Variants in RBFOX1 observed in about 807,000 individuals in gnomAD.
The protein encoded by RBFOX1 is RNA binding protein fox-1 homolog 1.
RBFOX1 carries 8 observed loss-of-function variants against 57.7 expected under a neutral mutation model. The ratio of observed to expected loss-of-function variants is 0.14; its 90% confidence interval spans 0.08 to 0.25. The LOEUF is 0.25. Ranked by LOEUF, RBFOX1 falls within the 10% of genes least tolerant of loss-of-function variation. The pLI is 1.00. For missense variants in RBFOX1, 611 were observed against 548.5 expected, an observed-to-expected ratio of 1.11 and a Z score of -1.14; for synonymous variants, 326 against 222.4, an observed-to-expected ratio of 1.47 and a Z score of -4.15.
At chr16:6,481,689 A>G (rs1157579723) in intron 2 of RBFOX1, among the ~76,000 whole-genome samples, 1 of 152,206 alleles carries the variant, frequency 6.6e-6, no homozygotes, top group East Asian at 1.9e-4. Flanking sequence ...GGGATCATAC[A>G]AGATAACATT....
chr16:6,653,637 A>G (rs1023433938), intron 2 of RBFOX1, among the ~76,000 whole-genome samples: 1 of 151,758 alleles, frequency 6.6e-6, no homozygotes, highest in Non-Finnish European at 1.5e-5. Flanking sequence ...GGATGGATGG[A>G]TGAATGGATG....
intron 11 of RBFOX1, among the ~76,000 whole-genome samples, chr16:7,632,772 G>C (rs944277609): frequency 1.1e-4 from 17 of 152,288 alleles, no homozygotes; most frequent in African/African-American, 4.1e-4. Context: ...ATGGAACTGA[G>C]ACACTCATTT....
intron 1 of RBFOX1, among the ~76,000 whole-genome samples, chr16:5,369,336 C>T (rs2065803181): frequency 6.6e-6 from 1 of 152,202 alleles, no homozygotes; most frequent in Non-Finnish European, 1.5e-5. Flanking sequence ...AGCAACATTT[C>T]TACCTGTCCC....
chr16:7,490,907 T>C (rs1230434419), intron 4 of RBFOX1, among the ~76,000 whole-genome samples: 2 of 152,218 alleles, frequency 1.3e-5, no homozygotes, highest in African/African-American at 2.4e-5. Context: ...AGCCTAAGGA[T>C]ACATAGATTC....
Position 6,500,896 on chromosome 16 carries a change from T to TTTGTTTGTTTGTTTGTTTG in RBFOX1, c.-63-153705_-63-153704insGTTTGTTTGTTTGTTTGTT, listed in dbSNP as rs1555507187. Among the ~76,000 whole-genome samples, 554 of 142,334 alleles carry TTTGTTTGTTTGTTTGTTTG rather than the reference T, an allele frequency of 3.9e-3. 4 individuals are homozygous for TTTGTTTGTTTGTTTGTTTG. Among genetic ancestry groups the TTTGTTTGTTTGTTTGTTTG allele is most frequent in the South Asian group, 0.02 (87 of 4,444 alleles). The allele number at this position is 142,334 out of a possible 152,430, so 93.4% of individuals were successfully genotyped here. Reference sequence around the variant, plus strand: ...GAGTAGTTTTTTTTTTTTTTTTTTTTTTTTTAATGCTGAGACATCCTCTGT... The same window carrying TTTGTTTGTTTGTTTGTTTG: ...GAGTAGTTTTTTTTTTTTTTTTTTTTTTGTTTGTTTGTTTGTTTGTTTTTAATGCTGAGACATCCTCTGT... On this transcript the variant is annotated intron_variant, in intron 2 of 15. Transcript: ENST00000550418.
chr16:7,367,862 G>C (rs909543350), intron 4 of RBFOX1, among the ~76,000 whole-genome samples: 4 of 148,576 alleles, frequency 2.7e-5, no homozygotes, highest in African/African-American at 1.0e-4. Context: ...ATATGTGCAT[G>C]AGCACGTGCA....
chr16:7,595,410 TTA>T, intron 7 of RBFOX1, 137 bp from the exon 8 acceptor site: 2 of 573,626 alleles, frequency 3.5e-6, no homozygotes, highest in East Asian at 6.4e-5. Context: ...CTCAGTACTC[TTA>T]TAATTTCTCT....
intron 4 of RBFOX1, among the ~76,000 whole-genome samples, chr16:7,458,715 C>T (rs1050058167): frequency 6.6e-6 from 1 of 152,068 alleles, no homozygotes; most frequent in African/African-American, 2.4e-5. Context: ...CCCTCTCCTC[C>T]TTCTCAGCTT....
intron 4 of RBFOX1, among the ~76,000 whole-genome samples, chr16:7,446,557 C>G (rs1231197921): frequency 6.6e-6 from 1 of 152,138 alleles, no homozygotes; most frequent in African/African-American, 2.4e-5. Context: ...CTACCATACA[C>G]TAAGCAGTGA....
intron 1 of RBFOX1, among the ~76,000 whole-genome samples, chr16:5,255,497 C>T (rs1269745866): frequency 1.3e-5 from 2 of 151,526 alleles, no homozygotes; most frequent in African/African-American, 4.9e-5. Context: ...CCTACCAAAC[C>T]ATCTATCCAT....
chr16:5,659,730 A>C (rs977462464), intron 3 of RBFOX1, among the ~76,000 whole-genome samples: 4 of 152,210 alleles, frequency 2.6e-5, no homozygotes, highest in African/African-American at 9.6e-5. Context: ...CTAACTGATA[A>C]GTTAAAGAGT....
intron 3 of RBFOX1, among the ~76,000 whole-genome samples, chr16:6,846,974 G>C (rs1031055006): frequency 1.3e-5 from 2 of 151,958 alleles, no homozygotes; most frequent in African/African-American, 4.8e-5. Context: ...GGGGCAAAGT[G>C]ATTTCCTTCT....
At chr16:6,376,154 AT>A (rs1299643620) in intron 2 of RBFOX1, among the ~76,000 whole-genome samples, 1 of 152,104 alleles carries the variant, frequency 6.6e-6, no homozygotes, top group African/African-American at 2.4e-5. Flanking sequence ...TCATATCAAT[AT>A]CTGTGATTCT....
chr16:7,625,552 T>C (rs1485515305), intron 10 of RBFOX1, among the ~76,000 whole-genome samples: 1 of 152,204 alleles, frequency 6.6e-6, no homozygotes, highest in African/African-American at 2.4e-5. Flanking sequence ...CTGTTGTTCT[T>C]TGTGTCTTCA....
At chr16:7,151,017 C>G (rs922963309) in intron 4 of RBFOX1, among the ~76,000 whole-genome samples, 3 of 152,174 alleles carry the variant, frequency 2.0e-5, no homozygotes, top group Non-Finnish European at 4.4e-5. Flanking sequence ...AGATACGCTC[C>G]TTTCCAAAAT....
chr16:5,643,279 C>T (rs1236496711), intron 3 of RBFOX1, among the ~76,000 whole-genome samples: 4 of 152,202 alleles, frequency 2.6e-5, no homozygotes, highest in African/African-American at 9.7e-5. Flanking sequence ...AATGATGTGG[C>T]TTCTTGGCTG....
chr16:6,126,685 C>T (rs1404508658), intron 1 of RBFOX1, among the ~76,000 whole-genome samples: 2 of 152,096 alleles, frequency 1.3e-5, no homozygotes, highest in African/African-American at 4.8e-5. Flanking sequence ...CTGGTTTTCA[C>T]TAGAGCAGGT....
At chr16:7,623,915 G>C (rs181988286) in intron 10 of RBFOX1, among the ~76,000 whole-genome samples, 2 of 152,086 alleles carry the variant, frequency 1.3e-5, no homozygotes, top group African/African-American at 4.8e-5. Flanking sequence ...CTTAATTACA[G>C]CTTTAAAGAT....
chr16:7,511,957 G>A (rs1416384545), intron 4 of RBFOX1, among the ~76,000 whole-genome samples: 6 of 152,270 alleles, frequency 3.9e-5, no homozygotes, highest in Middle Eastern at 3.4e-3. Context: ...GAAATTAAAC[G>A]TTAAGTTTGC....
Sources: allele counts gnomAD v4.1 joint callset (sites outside exome capture counted in the v4.1 genomes callset), GRCh38; gene constraint gnomAD v4.1.1; transcripts MANE v1.5; gene names NCBI Gene and HGNC (gene_info 2026-07-23, HGNC 2026-07-21).